PTPRN2: variants seen among roughly 807,000 people sequenced by gnomAD.
PTPRN2 encodes the protein protein tyrosine phosphatase receptor type N2, also known as receptor-type tyrosine-protein phosphatase N2.
A neutral mutation model predicts 118.8 loss-of-function variants in PTPRN2; 74 were observed. The ratio of observed to expected loss-of-function variants is 0.62; its 90% CI spans 0.52 to 0.76. PTPRN2 has a LOEUF of 0.76. Ranked by LOEUF, PTPRN2 falls within the 30% of genes least tolerant of loss-of-function variation. The pLI, the probability that PTPRN2 is intolerant of heterozygous loss-of-function variation, is 0.00. For synonymous variants in PTPRN2, 641 were observed against 608.0 expected (o/e 1.05, Z -0.80); for missense variants, 1,481 against 1,394.4 (o/e 1.06, Z -0.99).
At position 157,780,527 on chromosome 7, in the gene PTPRN2, G is replaced by A. The variant is rs1164259660; in HGVS notation, c.1789-97590C>T. Among the ~76,000 whole-genome samples the A allele has an allele frequency of 6.6e-6, 1 of 152,132 alleles. No individual in the cohort carries two copies. The highest frequency in any genetic ancestry group is 2.1e-4 in the South Asian group (1 of 4,828). ...CAGGCAGCTCGACATGGTGCAGACC[G>A]TGGCAGCCAAGTCAGGCATACAGCA... is the stretch of plus-strand genomic sequence containing the variant. On this transcript the variant is annotated intron_variant, in intron 12 of 22. Coordinates refer to ENST00000389418, the MANE Select transcript of PTPRN2 (RefSeq NM_002847.5). This position sits in a 1 kb window ranked among gnomAD's most constrained non-coding sequence, Gnocchi z 4.5.
At chr7:157,664,399 C>T (rs931923573) in intron 13 of PTPRN2, among the ~76,000 whole-genome samples, 17 of 152,252 alleles carry the variant, frequency 1.1e-4, no homozygotes, top group African/African-American at 3.9e-4. Context: ...AGCGGGGGCT[C>T]CTGTCAGCCA....
chr7:158,141,926 C>T (rs1037226693), intron 6 of PTPRN2, among the ~76,000 whole-genome samples: 4 of 152,226 alleles, frequency 2.6e-5, no homozygotes, highest in Non-Finnish European at 5.9e-5. Context: ...GCGTTCTGAT[C>T]GGAGCGTGCT....
intron 3 of PTPRN2, among the ~76,000 whole-genome samples, chr7:158,218,860 G>T (rs1452171418): frequency 6.6e-6 from 1 of 152,118 alleles, no homozygotes; most frequent in Non-Finnish European, 1.5e-5. Context: ...AATGAAAAAG[G>T]GTTCAATTCA....
chr7:158,408,929 A>C (rs1340581011), intron 2 of PTPRN2, among the ~76,000 whole-genome samples: 1 of 151,990 alleles, frequency 6.6e-6, no homozygotes, highest in Non-Finnish European at 1.5e-5. Context: ...CACAAACATG[A>C]CTTAAACGAT....
chr7:158,071,086 C>CATG (rs1811404261), intron 11 of PTPRN2, among the ~76,000 whole-genome samples: 1 of 51,196 alleles, frequency 2.0e-5, no homozygotes, highest in Non-Finnish European at 3.4e-5. Flanking sequence ...TGGAGGTGCC[C>CATG]GTGGTGGTGG....
intron 11 of PTPRN2, among the ~76,000 whole-genome samples, chr7:158,075,256 G>A (rs1409211976): frequency 2.6e-5 from 4 of 152,282 alleles, no homozygotes; most frequent in South Asian, 2.1e-4. Flanking sequence ...TACCATCTCC[G>A]ATTCCCTAAA....
chr7:158,239,730 C>T lies in PTPRN2; in HGVS notation c.278-34457G>A, dbSNP rs933775729. Among the ~76,000 whole-genome samples the T allele has an allele frequency of 2.2e-4, 34 of 152,248 alleles. No individual in the cohort carries two copies. In the East Asian group the frequency reaches 4.2e-3, roughly 19 times the overall value. On this transcript the variant is annotated intron_variant, in intron 3 of 22. Transcript: ENST00000389418. Reference sequence around the variant, plus strand: ...AAAATAAGATTCTGTTATCAAGCAACGCTGCACTTCCCACATCTGGATGCA... The same window carrying T: ...AAAATAAGATTCTGTTATCAAGCAATGCTGCACTTCCCACATCTGGATGCA...
chr7:157,658,367 G>A (rs1795702179), intron 13 of PTPRN2, among the ~76,000 whole-genome samples: 1 of 152,218 alleles, frequency 6.6e-6, no homozygotes. Flanking sequence ...AGGGGAGGGA[G>A]AAAGGCCTGT....
chr7:157,847,063 A>C (rs1316618927), intron 12 of PTPRN2, among the ~76,000 whole-genome samples: 25 of 109,690 alleles, frequency 2.3e-4, no homozygotes, highest in African/African-American at 7.0e-4. Context: ...CTCTCTCATT[A>C]CATCTTCTGT....
intron 9 of PTPRN2, among the ~76,000 whole-genome samples, chr7:158,121,667 C>T (rs989313831): frequency 6.6e-6 from 1 of 152,226 alleles, no homozygotes; most frequent in Admixed American, 6.5e-5. Context: ...CCAACAGAAG[C>T]ATCCACAAGA....
intron 11 of PTPRN2, among the ~76,000 whole-genome samples, chr7:158,036,477 C>T (rs11772853): frequency 0.42 from 64,474 of 151,902 alleles, 14,538 homozygotes; most frequent in Non-Finnish European, 0.52. Flanking sequence ...AGTATTACTT[C>T]GATACTAGCA....
At chr7:158,247,024 G>A (rs969991762) in intron 3 of PTPRN2, among the ~76,000 whole-genome samples, 7 of 152,222 alleles carry the variant, frequency 4.6e-5, no homozygotes, top group Non-Finnish European at 8.8e-5. Context: ...TGCCAGGCCT[G>A]GGCTGGGAGA....
chr7:158,409,563 G>A (rs879702589), intron 2 of PTPRN2, among the ~76,000 whole-genome samples: 27 of 152,196 alleles, frequency 1.8e-4, no homozygotes, highest in Non-Finnish European at 2.5e-4. Context: ...GAAAAGGACC[G>A]TGGTTAAAGC....
chr7:157,738,375 G>C (rs982075166), intron 12 of PTPRN2, among the ~76,000 whole-genome samples: 2 of 152,190 alleles, frequency 1.3e-5, no homozygotes, highest in African/African-American at 4.8e-5. Flanking sequence ...CATCAGCAGA[G>C]GAGCGAAGGG....
chr7:157,876,262 C>T (rs1795760525), intron 12 of PTPRN2, among the ~76,000 whole-genome samples: 1 of 152,156 alleles, frequency 6.6e-6, no homozygotes, highest in African/African-American at 2.4e-5. Context: ...TTCTGCTGGG[C>T]CTGAGGTAAG....
chr7:157,759,240 G>A (rs943248573), intron 12 of PTPRN2, among the ~76,000 whole-genome samples: 3 of 152,230 alleles, frequency 2.0e-5, no homozygotes, highest in South Asian at 2.1e-4. Flanking sequence ...GCTAAGTTAC[G>A]TCTCCTCTGC....
chr7:158,182,004 G>A (rs1366077351), intron 5 of PTPRN2, among the ~76,000 whole-genome samples: 2 of 152,070 alleles, frequency 1.3e-5, no homozygotes, highest in African/African-American at 4.8e-5. Context: ...GTGACATTAG[G>A]TTGTCACTTT....
At chr7:157,885,980 C>A (rs574307151) in intron 12 of PTPRN2, among the ~76,000 whole-genome samples, 1 of 152,182 alleles carries the variant, frequency 6.6e-6, no homozygotes, top group Admixed American at 6.5e-5. Context: ...GTGCTGCTGC[C>A]GTTCTGAAAA....
chr7:157,758,690 C>G (rs1585395255), intron 12 of PTPRN2, among the ~76,000 whole-genome samples: 1 of 152,276 alleles, frequency 6.6e-6, no homozygotes, highest in East Asian at 1.9e-4. Flanking sequence ...GTCCAGGTCC[C>G]TCCTGACCCC....
Sources: gnomAD v4.1 joint callset for allele counts (sites outside exome capture counted in the v4.1 genomes callset) on GRCh38, gnomAD v4.1.1 for gene constraint, Gnocchi (gnomAD v3.1) non-coding constraint, MANE v1.5 for transcripts, NCBI Gene and HGNC (gene_info 2026-07-23, HGNC 2026-07-21) for gene names.